The following LARGE1 variants were observed in gnomAD, a reference collection of about 807,000 sequenced individuals.
LARGE1 encodes the protein xylosyl- and glucuronyltransferase LARGE1.
Under a neutral mutation model 87.6 loss-of-function variants are expected in LARGE1, and 43 were observed. The ratio of observed to expected loss-of-function variants is 0.49; its 90% CI spans 0.38 to 0.63. The LOEUF is 0.63. Among genes scored for constraint, LARGE1 ranks in the 30% least tolerant of loss-of-function variants. The probability of loss-of-function intolerance (pLI) is 0.00; values close to 1 mark genes in which losing one functional copy is unlikely to be tolerated. For synonymous variants in LARGE1, 434 were observed against 394.6 expected (o/e 1.10, Z -1.18); for missense variants, 802 against 1,000.2 (o/e 0.80, Z 2.67).
intron 1 of LARGE1, among the ~76,000 whole-genome samples, chr22:33,802,799 C>A (rs554862817): frequency 6.6e-6 from 1 of 152,084 alleles, no homozygotes; most frequent in African/African-American, 2.4e-5. Flanking sequence ...CACCAGGGTA[C>A]GGATTCATTA....
At position 33,254,301 on chromosome 22, in the gene LARGE1, TG is replaced by T. The variant is rs1197494369; in HGVS notation, c.1730+49927del. Among the ~76,000 whole-genome samples the T allele has an allele frequency of 2.0e-5, 3 of 152,268 alleles. No homozygotes were observed. The East Asian group carries it at 5.8e-4, about 29-fold the overall frequency. Reference sequence around the variant, plus strand: ...GGGAGCATGTTTGGATTTCCCTCGTTGGGCCTGTGTTGGAAGCAGGGGACAA... The same window carrying T: ...GGGAGCATGTTTGGATTTCCCTCGTTGGCCTGTGTTGGAAGCAGGGGACAA... On this transcript the variant is annotated intron_variant, in intron 11 of 11. Coordinates refer to the LARGE1 transcript ENST00000608642.
At chr22:33,747,782 A>G (rs2084146243) in intron 2 of LARGE1, 1 of 152,148 alleles carries the variant, frequency 6.6e-6, no homozygotes, top group Non-Finnish European at 1.5e-5. Flanking sequence ...AACCTTGGTG[A>G]TCCACCCAAT....
chr22:33,522,351 C>A (rs1008557688), intron 6 of LARGE1, among the ~76,000 whole-genome samples: 4 of 152,152 alleles, frequency 2.6e-5, no homozygotes, highest in African/African-American at 7.2e-5. Context: ...GCACTCCCAC[C>A]AGCATCACCA....
chr22:33,405,452 G>C (rs921235689), intron 7 of LARGE1, among the ~76,000 whole-genome samples: 2 of 152,158 alleles, frequency 1.3e-5, no homozygotes, highest in African/African-American at 4.8e-5. Context: ...TCATCAGAGA[G>C]GTCTGTCTCT....
rs561291491 is a variant in LARGE1 at position 33,438,904 on chromosome 22, T to C, written c.788-6639A>G. ...TATCTCTGACCTCTAAGAATGGATA[T>C]TGAGATCAGATTAAGATGATACAAG... On this transcript the variant is annotated intron_variant, in intron 6 of 14. Transcript: ENST00000397394. Among the ~76,000 whole-genome samples, 10 of 152,150 alleles carry C rather than the reference T, an allele frequency of 6.6e-5. No homozygotes were observed. The East Asian group carries it at 1.4e-3, about 21-fold the overall frequency.
intron 9 of LARGE1, among the ~76,000 whole-genome samples, chr22:33,362,404 T>C (rs2064419053): frequency 1.3e-5 from 2 of 149,818 alleles, no homozygotes; most frequent in Admixed American, 1.3e-4. Flanking sequence ...GTCATCAGAA[T>C]TTACAAGATT....
Position 33,175,395 on chromosome 22 carries a change from C to T in LARGE1, c.1731-8563G>A, listed in dbSNP as rs150496622. On this transcript the variant is annotated intron_variant, in intron 11 of 11. Coordinates refer to the LARGE1 transcript ENST00000608642. ...TGTTTGCAGATGACATGATTATATA[C>T]TTAGAAAACCCCATCATCTCAGCCC... Among the ~76,000 whole-genome samples the T allele has an allele frequency of 3.6e-3, 553 of 152,210 alleles. 3 individuals carry two copies. Among genetic ancestry groups the T allele is most frequent in the African/African-American group, 0.013 (534 of 41,532 alleles).
chr22:33,363,314 GAGA>G (rs2064454886), intron 9 of LARGE1, among the ~76,000 whole-genome samples: 1 of 150,006 alleles, frequency 6.7e-6, no homozygotes, highest in South Asian at 2.2e-4. Flanking sequence ...AGGTTTAATG[GAGA>G]ACTCACAGTT....
At chr22:33,325,144 A>G (rs966407164) in intron 10 of LARGE1, among the ~76,000 whole-genome samples, 1 of 152,258 alleles carries the variant, frequency 6.6e-6, no homozygotes, top group East Asian at 1.9e-4. Context: ...CTAGTTGGTC[A>G]GCCTCTGGGC....
At position 33,676,372 on chromosome 22, in the gene LARGE1, C is replaced by CAAAAAAAAAAAA. The variant is rs10567981; in HGVS notation, c.107-25716_107-25705dup. On this transcript the variant is annotated intron_variant, in intron 2 of 14. Coordinates refer to ENST00000397394, the MANE Select transcript of LARGE1 (RefSeq NM_133642.5). ...ACATCATATGTTACAGATTCAATGGCAAAAAAAAAAAAAAAAAAAAAAAAA... is the reference window on the plus strand; with the variant it reads ...ACATCATATGTTACAGATTCAATGGCAAAAAAAAAAAAAAAAAAAAAAAAAAAAAAAAAAAAA... Among the ~76,000 whole-genome samples the CAAAAAAAAAAAA allele has an allele frequency of 1.8e-4, 3 of 16,304 alleles. 1 individual carries two copies. Among genetic ancestry groups the CAAAAAAAAAAAA allele is most frequent in the Non-Finnish European group, 2.8e-4 (2 of 7,192 alleles). The allele number at this position is 16,304 out of a possible 152,430, so 10.7% of individuals were successfully genotyped here.
intron 6 of LARGE1, among the ~76,000 whole-genome samples, chr22:33,549,945 C>A (rs2077474518): frequency 6.6e-6 from 1 of 152,114 alleles, no homozygotes; most frequent in Non-Finnish European, 1.5e-5. Flanking sequence ...TTGTTTACGG[C>A]TGCATAGTAT....
intron 10 of LARGE1, among the ~76,000 whole-genome samples, chr22:33,336,161 CA>C (rs1938418195): frequency 6.6e-6 from 1 of 152,148 alleles, no homozygotes; most frequent in Non-Finnish European, 1.5e-5. Context: ...GCTTTGCATG[CA>C]ACTTTTCAGC....
At chr22:33,159,399 C>T (rs978092644), downstream of LARGE1, among the ~76,000 whole-genome samples, 5 of 152,090 alleles carry the variant, frequency 3.3e-5, no homozygotes, top group African/African-American at 1.2e-4. Context: ...CTCTCTCTTC[C>T]TCCTGCTCAC....
rs575220934 is a variant in LARGE1 at position 33,345,273 on chromosome 22, A to G, written c.1132-7472T>C. Among the ~76,000 whole-genome samples, 325 of 152,306 alleles carry G rather than the reference A, an allele frequency of 2.1e-3. 1 individual carries two copies. The highest frequency in any genetic ancestry group is 7.3e-3 in the African/African-American group (304 of 41,572). On this transcript the variant is annotated intron_variant, in intron 9 of 14. Coordinates refer to ENST00000397394, the MANE Select transcript of LARGE1 (RefSeq NM_133642.5). ...GTTGCCTGAAGTTACACAGCTAGAA[A>G]GTAGGAGAGTCAGGATTTGAACCCA...
chr22:33,799,706 A>G (rs2086100773), intron 1 of LARGE1, among the ~76,000 whole-genome samples: 1 of 152,230 alleles, frequency 6.6e-6, no homozygotes, highest in Non-Finnish European at 1.5e-5. Flanking sequence ...TGCTGGGATT[A>G]CAGAAGTGAG....
chr22:33,625,974 TAGAG>T (rs1184343574), intron 4 of LARGE1, among the ~76,000 whole-genome samples: 1 of 152,156 alleles, frequency 6.6e-6, no homozygotes. Flanking sequence ...GGGAAGCTGA[TAGAG>T]AGACTGAAGC....
intron 6 of LARGE1, among the ~76,000 whole-genome samples, chr22:33,474,178 T>A (rs1468722843): frequency 6.6e-6 from 1 of 152,130 alleles, no homozygotes; most frequent in Non-Finnish European, 1.5e-5. Context: ...TTATTTATTT[T>A]TTGAGATGGA....
chr22:33,620,549 T>TA (rs1481646637), intron 4 of LARGE1, among the ~76,000 whole-genome samples: 1 of 152,178 alleles, frequency 6.6e-6, no homozygotes, highest in Non-Finnish European at 1.5e-5. Context: ...TTTGTATATA[T>TA]TTTTCTCATC....
At chr22:33,431,798 T>C (rs2067090707) in intron 7 of LARGE1, among the ~76,000 whole-genome samples, 4 of 152,184 alleles carry the variant, frequency 2.6e-5, no homozygotes, top group South Asian at 2.1e-4. Flanking sequence ...CAAAAGTACA[T>C]ATCCGTTGTG....
Sources: gnomAD v4.1 joint callset for allele counts (sites outside exome capture counted in the v4.1 genomes callset) on GRCh38, gnomAD v4.1.1 for gene constraint, MANE v1.5 for transcripts, NCBI Gene and HGNC (gene_info 2026-07-23, HGNC 2026-07-21) for gene names.